The following FRMPD4 variants were observed in gnomAD, a reference collection of about 807,000 sequenced individuals.
The protein encoded by FRMPD4 is FERM and PDZ domain containing 4.
Under a neutral mutation model 94.1 loss-of-function variants are expected in FRMPD4, and 22 were observed. The observed-to-expected ratio is 0.23, with a 90% CI of 0.17 to 0.33. The LOEUF (loss-of-function observed/expected upper bound fraction) is 0.33. Among genes scored for constraint, FRMPD4 ranks in the 10% least tolerant of loss-of-function variants. FRMPD4 has a pLI of 1.00. For synonymous variants in FRMPD4, 631 were observed against 548.6 expected (o/e 1.15, Z -2.10); for missense variants, 1,111 against 1,339.9 (o/e 0.83, Z 2.67).
intron 1 of FRMPD4, among the ~76,000 whole-genome samples, chrX:12,187,299 CT>C (rs776122755): frequency 1.4e-3 from 160 of 111,304 alleles, no homozygotes; most frequent in Non-Finnish European, 2.6e-3. Flanking sequence ...TTCATAAATG[CT>C]GCTTTACATT....
intron 3 of FRMPD4, among the ~76,000 whole-genome samples, chrX:12,132,399 T>C (rs2055560721): frequency 9.0e-6 from 1 of 111,351 alleles, no homozygotes. Context: ...AGTCACTAGA[T>C]GGAGATGTTG....
chrX:12,537,821 C>T (rs1318136214), intron 2 of FRMPD4, among the ~76,000 whole-genome samples: 1 of 110,527 alleles, frequency 9.0e-6, no homozygotes, highest in African/African-American at 3.3e-5. Flanking sequence ...AAAACTTTTC[C>T]AGGTTCTAAA....
At chrX:12,209,093 A>G (rs2056727585) in intron 1 of FRMPD4, among the ~76,000 whole-genome samples, 1 of 111,835 alleles carries the variant, frequency 8.9e-6, no homozygotes, top group African/African-American at 3.2e-5. Flanking sequence ...GTCTTCTTAA[A>G]TTGAAGTATC....
intron 1 of FRMPD4, among the ~76,000 whole-genome samples, chrX:12,197,414 A>G (rs1014123168): frequency 8.9e-5 from 10 of 111,855 alleles, no homozygotes; most frequent in African/African-American, 3.2e-4. Context: ...CTCCAGAAAT[A>G]TGTCTGCTCC....
At chrX:12,614,408 T>G (rs1429496047) in intron 3 of FRMPD4, among the ~76,000 whole-genome samples, 1 of 110,537 alleles carries the variant, frequency 9.0e-6, no homozygotes. Context: ...CAATATGGCC[T>G]GTTGACCAGC....
chrX:12,467,029 C>T (rs1185169048), intron 1 of FRMPD4, among the ~76,000 whole-genome samples: 3 of 111,654 alleles, frequency 2.7e-5, no homozygotes, highest in Non-Finnish European at 3.8e-5. Flanking sequence ...TGTGTTGCTA[C>T]AGAAACTGTC....
At chrX:12,679,908 A>C (rs1426939028) in intron 5 of FRMPD4, among the ~76,000 whole-genome samples, 1 of 111,393 alleles carries the variant, frequency 9.0e-6, no homozygotes, top group African/African-American at 3.3e-5. Context: ...GCACCTCCCA[A>C]ATCAGCTACC....
intron 3 of FRMPD4, among the ~76,000 whole-genome samples, chrX:11,985,216 G>C (rs1209721960): frequency 8.9e-6 from 1 of 112,036 alleles, no homozygotes; most frequent in Non-Finnish European, 1.9e-5. Context: ...CTCAGCCATA[G>C]TAGGATAGGG....
intron 1 of FRMPD4, among the ~76,000 whole-genome samples, chrX:12,493,131 T>A (rs2057808778): frequency 9.0e-6 from 1 of 111,298 alleles, no homozygotes; most frequent in Admixed American, 9.6e-5. Context: ...AACCATCTAT[T>A]ATCATTCATT....
intron 11 of FRMPD4, among the ~76,000 whole-genome samples, chrX:12,705,050 A>T (rs1383329523): frequency 8.9e-6 from 1 of 111,942 alleles, no homozygotes; most frequent in Non-Finnish European, 1.9e-5. Context: ...TGATCGTGAC[A>T]AACAAAAATG....
chrX:12,719,485 G>A (rs747638106), intron 16 of FRMPD4, among the ~76,000 whole-genome samples: 5 of 112,388 alleles, frequency 4.4e-5, no homozygotes, highest in Non-Finnish European at 7.5e-5. Context: ...CGATCCACTT[G>A]GCTGGCCATC....
At chrX:11,943,051 C>T (rs1465395655) in intron 3 of FRMPD4, among the ~76,000 whole-genome samples, 2 of 112,013 alleles carry the variant, frequency 1.8e-5, no homozygotes, top group Non-Finnish European at 3.8e-5. Flanking sequence ...TCGGATTTCA[C>T]AATCAGTAGA....
chrX:12,708,468 CA>C (rs35569007), intron 13 of FRMPD4, among the ~76,000 whole-genome samples: 65 of 59,259 alleles, frequency 1.1e-3, no homozygotes, highest in East Asian at 2.9e-3. Context: ...GACTCCATCT[CA>C]AAAAAAAAAA....
intron 1 of FRMPD4, among the ~76,000 whole-genome samples, chrX:12,343,434 G>A (rs1338369275): frequency 9.0e-6 from 1 of 111,227 alleles, no homozygotes; most frequent in African/African-American, 3.3e-5. Flanking sequence ...TCTGGGTCTG[G>A]AGCTCAAGAA....
At chrX:12,493,775 A>G (rs1332429570) in intron 1 of FRMPD4, among the ~76,000 whole-genome samples, 2 of 112,022 alleles carry the variant, frequency 1.8e-5, no homozygotes, top group Non-Finnish European at 3.8e-5. Flanking sequence ...GAGTATCCTA[A>G]GCAGTTATAT....
intron 3 of FRMPD4, among the ~76,000 whole-genome samples, chrX:11,999,236 C>G (rs1358371716): frequency 2.7e-5 from 3 of 111,506 alleles, no homozygotes; most frequent in East Asian, 5.6e-4. Flanking sequence ...CTATCCATGT[C>G]CACAGGGCTG....
chrX:11,840,299 G>A (rs1191504768), intron 1 of FRMPD4, among the ~76,000 whole-genome samples: 3 of 111,371 alleles, frequency 2.7e-5, no homozygotes, highest in East Asian at 2.8e-4. Flanking sequence ...TTTGTTAAAT[G>A]TATTCCCAAG....
At chrX:12,294,485 C>CACACACAGAG (rs34874624) in intron 1 of FRMPD4, among the ~76,000 whole-genome samples, 1 of 92,098 alleles carries the variant, frequency 1.1e-5, no homozygotes, top group African/African-American at 4.0e-5. Flanking sequence ...CACACACACA[C>CACACACAGAG]AGAGAGAGAG....
At chrX:12,209,381 C>CT (rs1351304805) in intron 1 of FRMPD4, among the ~76,000 whole-genome samples, 1 of 112,389 alleles carries the variant, frequency 8.9e-6, no homozygotes, top group African/African-American at 3.2e-5. Context: ...TATGTACTAT[C>CT]TTTACTTCAT....
Sources: gnomAD v4.1 joint callset for allele counts (sites outside exome capture counted in the v4.1 genomes callset) on GRCh38, gnomAD v4.1.1 for gene constraint, MANE v1.5 for transcripts, NCBI Gene and HGNC (gene_info 2026-07-23, HGNC 2026-07-21) for gene names.